Variants in PTGFR observed in about 807,000 individuals in gnomAD.
PTGFR encodes prostaglandin F2-alpha receptor.
A neutral mutation model predicts 26.2 loss-of-function variants in PTGFR; 15 were observed. That is an observed-to-expected ratio of 0.57 (90% CI 0.38 to 0.88). The LOEUF (loss-of-function observed/expected upper bound fraction) is 0.88. Among genes scored for constraint, PTGFR ranks in the 40% least tolerant of loss-of-function variants. The probability of loss-of-function intolerance (pLI) is 0.00; values close to 1 mark genes in which losing one functional copy is unlikely to be tolerated. For missense variants in PTGFR, 369 were observed against 427.2 expected (o/e 0.86, Z 1.20); for synonymous variants, 165 against 151.1 (o/e 1.09, Z -0.68).
chr1:78,502,231 G>A (rs935878273), intron 2 of PTGFR, among the ~76,000 whole-genome samples: 10 of 152,108 alleles, frequency 6.6e-5, no homozygotes, highest in African/African-American at 2.2e-4. Context: ...GTACCAGGGA[G>A]TAAAGGATAA....
At chr1:78,504,341 C>T (rs1276780387) in intron 2 of PTGFR, among the ~76,000 whole-genome samples, 1 of 152,028 alleles carries the variant, frequency 6.6e-6, no homozygotes, top group African/African-American at 2.4e-5. Flanking sequence ...TATTTTAATT[C>T]TTTGATTAAT....
intron 2 of PTGFR, among the ~76,000 whole-genome samples, chr1:78,504,807 G>A (rs1024373952): frequency 6.6e-6 from 1 of 152,088 alleles, no homozygotes; most frequent in African/African-American, 2.4e-5. Flanking sequence ...TTTATTGAAT[G>A]CTCTTCCTGC....
At chr1:78,520,941 G>A (rs1650207039) in intron 2 of PTGFR, among the ~76,000 whole-genome samples, 1 of 152,052 alleles carries the variant, frequency 6.6e-6, no homozygotes, top group African/African-American at 2.4e-5. Flanking sequence ...AAGGTCCCCA[G>A]CATTCACATG....
intron 1 of PTGFR, 97 bp from the exon 2 acceptor site, chr1:78,492,575 A>T: frequency 1.6e-6 from 1 of 643,148 alleles, no homozygotes; most frequent in East Asian, 2.8e-5. Context: ...TAGGCCAGAT[A>T]AAACCCATCC....
intron 2 of PTGFR, among the ~76,000 whole-genome samples, chr1:78,530,007 A>G (rs996422711): frequency 6.6e-6 from 1 of 152,188 alleles, no homozygotes; most frequent in Non-Finnish European, 1.5e-5. Context: ...ATTGTCTTCC[A>G]TGAAACTGGT....
chr1:78,529,836 T>C (rs1211156249), intron 2 of PTGFR, among the ~76,000 whole-genome samples: 1 of 152,162 alleles, frequency 6.6e-6, no homozygotes, highest in Non-Finnish European at 1.5e-5. Context: ...GAGTTCTGCC[T>C]CCTGTCAGAT....
At chr1:78,535,365 G>A (rs542579307) in intron 2 of PTGFR, among the ~76,000 whole-genome samples, 1 of 152,246 alleles carries the variant, frequency 6.6e-6, no homozygotes, top group South Asian at 2.1e-4. Context: ...GTACTTTATT[G>A]TGTAGACAAT....
intron 2 of PTGFR, among the ~76,000 whole-genome samples, chr1:78,500,535 T>G (rs1424089593): frequency 6.6e-6 from 1 of 152,222 alleles, no homozygotes; most frequent in Non-Finnish European, 1.5e-5. Context: ...CCATTCATGC[T>G]TCAGGGCTTG....
At chr1:78,528,728 A>G (rs926791154) in intron 2 of PTGFR, among the ~76,000 whole-genome samples, 25 of 152,138 alleles carry the variant, frequency 1.6e-4, no homozygotes, top group Non-Finnish European at 3.4e-4. Context: ...GGCACAGGGA[A>G]CCAACACATA....
intron 2 of PTGFR, chr1:78,497,809 G>A: frequency 9.1e-7 from 1 of 1,094,624 alleles, no homozygotes; most frequent in Non-Finnish European, 1.4e-6. Context: ...GGTAGACTTA[G>A]GACGCTATTA....
intron 1 of PTGFR, among the ~76,000 whole-genome samples, chr1:78,492,417 C>CAGG (rs963186122): frequency 5.9e-5 from 9 of 152,050 alleles, no homozygotes; most frequent in African/African-American, 9.7e-5. Flanking sequence ...GGGGGACATT[C>CAGG]AGGAGGAGGA....
At chr1:78,501,365 CATTT>C (rs1182191328) in intron 2 of PTGFR, among the ~76,000 whole-genome samples, 1 of 152,172 alleles carries the variant, frequency 6.6e-6, no homozygotes, top group Non-Finnish European at 1.5e-5. Context: ...ACATCAGTGT[CATTT>C]ATCTGTACTC....
chr1:78,528,396 T>G (rs1650427344), intron 2 of PTGFR, among the ~76,000 whole-genome samples: 1 of 147,350 alleles, frequency 6.8e-6, no homozygotes, highest in Admixed American at 6.8e-5. Context: ...TAAACTGAAC[T>G]AATTTTAGTG....
chr1:78,532,462 A>T (rs1410047372), intron 2 of PTGFR: 3 of 110,146 alleles, frequency 2.7e-5, no homozygotes, highest in African/African-American at 1.4e-4. Flanking sequence ...ATGTGTATAT[A>T]TTTGTGTGTG....
intron 2 of PTGFR, among the ~76,000 whole-genome samples, chr1:78,527,233 G>A (rs1261185648): frequency 2.0e-5 from 3 of 152,034 alleles, no homozygotes; most frequent in Admixed American, 6.6e-5. Context: ...TTATTTAAAA[G>A]TTGGATTTTT....
Position 78,539,724 on chromosome 1 carries a change from T to A in PTGFR, c.*3037T>A, listed in dbSNP as rs942971523. 1.2e-4 allele frequency: 18 copies of A among 152,596 alleles called. No individual in the cohort carries two copies. Among genetic ancestry groups the A allele is most frequent in the Admixed American group, 9.8e-4 (15 of 15,236 alleles). The allele number at this position is 152,596 out of a possible 1,614,324, so 9.5% of individuals were successfully genotyped here. On this transcript the variant is annotated 3_prime_UTR_variant, in exon 3 of 3. Transcript: ENST00000370757. ...CTAGCTTAAAACTTCAAACAAGTAA[T>A]TTTATAATAAAGTTGGACTAATGTT...
chr1:78,513,145 T>C (rs1166835473), intron 2 of PTGFR, among the ~76,000 whole-genome samples: 1 of 152,142 alleles, frequency 6.6e-6, no homozygotes, highest in Non-Finnish European at 1.5e-5. Flanking sequence ...TAAAGATCCC[T>C]GAAGATGTGG....
intron 2 of PTGFR, among the ~76,000 whole-genome samples, chr1:78,533,869 C>T (rs151264906): frequency 3.9e-5 from 6 of 152,096 alleles, no homozygotes; most frequent in Non-Finnish European, 5.9e-5. Context: ...AATTGTTTTA[C>T]GTGGCCCAAA....
intron 2 of PTGFR, among the ~76,000 whole-genome samples, chr1:78,534,263 G>A (rs1650592137): frequency 6.6e-6 from 1 of 152,172 alleles, no homozygotes; most frequent in Non-Finnish European, 1.5e-5. Flanking sequence ...AGAGAATAAT[G>A]TTCTCAACGC....
Sources: gnomAD v4.1 joint callset for allele counts (sites outside exome capture counted in the v4.1 genomes callset) on GRCh38, gnomAD v4.1.1 for gene constraint, MANE v1.5 for transcripts, NCBI Gene and HGNC (gene_info 2026-07-23, HGNC 2026-07-21) for gene names.